CADM2: variants seen among roughly 807,000 people sequenced by gnomAD.
CADM2 encodes the protein immunoglobulin superfamily member 4D.
CADM2 carries 12 observed loss-of-function variants against 49.8 expected under a neutral mutation model. That is an observed-to-expected ratio of 0.24 (90% CI 0.15 to 0.39). The LOEUF (loss-of-function observed/expected upper bound fraction) is 0.39, where lower values mean the gene tolerates loss of function less well. Ranked by LOEUF, CADM2 falls within the 10% of genes least tolerant of loss-of-function variation. The probability of loss-of-function intolerance (pLI) is 1.00; values close to 1 mark genes in which losing one functional copy is unlikely to be tolerated. For synonymous variants in CADM2, 214 were observed against 175.4 expected, an observed-to-expected ratio of 1.22 and a Z score of -1.74; for missense variants, 378 against 492.3, an observed-to-expected ratio of 0.77 and a Z score of 2.20.
chr3:85,638,914 C>A (rs981014851), intron 1 of CADM2, among the ~76,000 whole-genome samples: 7 of 151,886 alleles, frequency 4.6e-5, no homozygotes, highest in Non-Finnish European at 8.8e-5. Flanking sequence ...AAGGTTTTTT[C>A]TGTTTTTGTT....
At chr3:85,191,194 A>T (rs2041198601) in intron 1 of CADM2, among the ~76,000 whole-genome samples, 1 of 151,988 alleles carries the variant, frequency 6.6e-6, no homozygotes, top group African/African-American at 2.4e-5. Context: ...CTCCTTCCTT[A>T]CTATTTTATT....
chr3:85,219,858 G>A (rs2042008308), intron 1 of CADM2, among the ~76,000 whole-genome samples: 1 of 152,064 alleles, frequency 6.6e-6, no homozygotes, highest in Admixed American at 6.5e-5. Flanking sequence ...TAATGGTAGA[G>A]ACATGATATT....
chr3:85,461,044 T>C (rs190642225), intron 1 of CADM2, among the ~76,000 whole-genome samples: 3 of 152,320 alleles, frequency 2.0e-5, no homozygotes, highest in Admixed American at 6.5e-5. Context: ...TCACAAACTT[T>C]ATATTTCACA....
chr3:85,974,857 T>C (rs2108651502), intron 8 of CADM2, among the ~76,000 whole-genome samples: 1 of 151,708 alleles, frequency 6.6e-6, no homozygotes, highest in East Asian at 2.0e-4. Context: ...AATTTTCCTT[T>C]TACATGAAAA....
intron 1 of CADM2, among the ~76,000 whole-genome samples, chr3:85,629,249 G>T (rs1335663992): frequency 6.6e-6 from 1 of 151,706 alleles, no homozygotes; most frequent in Admixed American, 6.6e-5. Context: ...GTAACTCAGT[G>T]CTTAAATTAG....
At chr3:85,309,733 G>A (rs913432930) in intron 1 of CADM2, among the ~76,000 whole-genome samples, 12 of 152,088 alleles carry the variant, frequency 7.9e-5, no homozygotes, top group Admixed American at 5.9e-4. Context: ...CTCTGGACAC[G>A]TTGACCATTC....
At chr3:85,314,542 A>T (rs1480215270) in intron 1 of CADM2, among the ~76,000 whole-genome samples, 1 of 152,174 alleles carries the variant, frequency 6.6e-6, no homozygotes, top group Non-Finnish European at 1.5e-5. Flanking sequence ...TCCGGTTATT[A>T]TGGAGATGAA....
chr3:85,328,435 G>A (rs1249261809), intron 1 of CADM2, among the ~76,000 whole-genome samples: 1 of 152,090 alleles, frequency 6.6e-6, no homozygotes, highest in African/African-American at 2.4e-5. Context: ...CTGCCAACAT[G>A]CTTCATCTTT....
intron 1 of CADM2, among the ~76,000 whole-genome samples, chr3:85,587,648 A>G (rs887996683): frequency 2.0e-5 from 3 of 152,084 alleles, no homozygotes; most frequent in Non-Finnish European, 2.9e-5. Flanking sequence ...GAATAAGTTC[A>G]TAAGTTTCAT....
chr3:85,196,645 A>T (rs1044047998), intron 1 of CADM2, among the ~76,000 whole-genome samples: 1 of 151,998 alleles, frequency 6.6e-6, no homozygotes, highest in Non-Finnish European at 1.5e-5. Flanking sequence ...CTTGTTTTGC[A>T]TGATGATGGA....
intron 1 of CADM2, among the ~76,000 whole-genome samples, chr3:85,064,879 C>T (rs115542772): frequency 0.026 from 3,975 of 152,214 alleles, 129 homozygotes; most frequent in African/African-American, 0.075. Flanking sequence ...GCACTGTGCA[C>T]ATTTTCTCTT....
intron 1 of CADM2, among the ~76,000 whole-genome samples, chr3:85,568,768 AAT>A (rs1491440383): frequency 4.1e-5 from 4 of 96,732 alleles, no homozygotes; most frequent in Admixed American, 2.4e-4. Flanking sequence ...ACACCAAACT[AAT>A]TTTTTTTTTG....
At chr3:85,214,533 C>T (rs2041876318) in intron 1 of CADM2, among the ~76,000 whole-genome samples, 1 of 151,944 alleles carries the variant, frequency 6.6e-6, no homozygotes, top group African/African-American at 2.4e-5. Context: ...GATGAATCTC[C>T]CCCACCCCCC....
At chr3:85,435,410 T>G (rs2036879913) in intron 1 of CADM2, among the ~76,000 whole-genome samples, 1 of 152,162 alleles carries the variant, frequency 6.6e-6, no homozygotes, top group Non-Finnish European at 1.5e-5. Context: ...CTTTATCCAG[T>G]CTATCATCGA....
intron 2 of CADM2, among the ~76,000 whole-genome samples, chr3:85,742,353 C>A (rs1382311477): frequency 6.6e-6 from 1 of 152,068 alleles, no homozygotes; most frequent in African/African-American, 2.4e-5. Flanking sequence ...TCCCTGAGAC[C>A]TTGTGTGGGA....
chr3:85,382,787 T>G (rs150954012), intron 1 of CADM2, among the ~76,000 whole-genome samples: 1 of 152,188 alleles, frequency 6.6e-6, no homozygotes, highest in Non-Finnish European at 1.5e-5. Context: ...AAACAAATAT[T>G]TGACAATTTT....
intron 1 of CADM2, among the ~76,000 whole-genome samples, chr3:85,327,342 A>G (rs9872078): frequency 0.41 from 62,664 of 151,702 alleles, 14,810 homozygotes; most frequent in Admixed American, 0.57. Context: ...TGCAACCTCC[A>G]CCTCCCGAGT....
At chr3:85,842,612 C>A (rs1011368262) in intron 3 of CADM2, among the ~76,000 whole-genome samples, 1 of 152,086 alleles carries the variant, frequency 6.6e-6, no homozygotes, top group Admixed American at 6.6e-5. Context: ...GTCTTCTTGG[C>A]AAGGTTAGGA....
chr3:85,428,841 C>T (rs2036541803), intron 1 of CADM2, among the ~76,000 whole-genome samples: 1 of 151,290 alleles, frequency 6.6e-6, no homozygotes, highest in African/African-American at 2.4e-5. Context: ...TCTTTTGCCT[C>T]TTTAGGTTAC....
Sources: allele counts gnomAD v4.1 joint callset (sites outside exome capture counted in the v4.1 genomes callset), GRCh38; gene constraint gnomAD v4.1.1; transcripts MANE v1.5; gene names NCBI Gene and HGNC (gene_info 2026-07-23, HGNC 2026-07-21).